Variants in PRKAG2 observed in about 807,000 individuals in gnomAD.
PRKAG2 encodes 5'-AMP-activated protein kinase subunit gamma-2.
PRKAG2 carries 26 observed loss-of-function variants against 69.6 expected under a neutral mutation model. The ratio of observed to expected loss-of-function variants is 0.37; its 90% CI spans 0.27 to 0.52. PRKAG2 has a LOEUF of 0.52. Among genes scored for constraint, PRKAG2 ranks in the 20% least tolerant of loss-of-function variants. The pLI is 0.90. For synonymous variants in PRKAG2, 293 were observed against 285.0 expected (o/e 1.03, Z -0.28); for missense variants, 557 against 740.0 (o/e 0.75, Z 2.87).
At chr7:151,845,484 T>G (rs2079409156) in intron 1 of PRKAG2, among the ~76,000 whole-genome samples, 1 of 151,872 alleles carries the variant, frequency 6.6e-6, no homozygotes, top group South Asian at 2.1e-4. Context: ...AGCCTCCAGG[T>G]GACCCCAGAG....
intron 1 of PRKAG2, among the ~76,000 whole-genome samples, chr7:151,824,028 A>G (rs2078853969): frequency 6.6e-6 from 1 of 152,188 alleles, no homozygotes; most frequent in Admixed American, 6.5e-5. Context: ...TATTCTTGGT[A>G]TAACTTATGG....
intron 5 of PRKAG2, among the ~76,000 whole-genome samples, chr7:151,612,941 G>A (rs1819215728): frequency 6.6e-6 from 1 of 152,200 alleles, no homozygotes; most frequent in African/African-American, 2.4e-5. Flanking sequence ...CTCCCAGGAT[G>A]AGGGAGCTAC....
In PRKAG2 at chr7:151,741,674, C is replaced by CA. The variant is rs33969514; in HGVS notation, c.466+39477dup. 1.4e-3 allele frequency among the ~76,000 whole-genome samples: 183 copies of CA among 126,640 alleles called. 1 individual carries two copies. The highest frequency in any genetic ancestry group is 6.5e-3 in the East Asian group (29 of 4,454). The allele number at this position is 126,640 out of a possible 152,430, so 83.1% of individuals were successfully genotyped here. On this transcript the variant is annotated intron_variant, in intron 3 of 15. Transcript: ENST00000287878. ...GGGCAACAAAAGCAAAACTCTGTCTCAAAAAAAAAAAAAAAAAGAACATTT... is the reference window on the plus strand; with the variant it reads ...GGGCAACAAAAGCAAAACTCTGTCTCAAAAAAAAAAAAAAAAAAGAACATTT...
chr7:151,874,076 T>TATGTATATGTATATG (rs1254909490), intron 1 of PRKAG2, among the ~76,000 whole-genome samples: 5 of 142,604 alleles, frequency 3.5e-5, no homozygotes, highest in South Asian at 2.2e-4. Flanking sequence ...ATATGATGTA[T>TATGTATATGTATATG]ATGTATATGT....
intron 3 of PRKAG2, among the ~76,000 whole-genome samples, chr7:151,690,009 T>C (rs1268053956): frequency 6.6e-6 from 1 of 152,062 alleles, no homozygotes; most frequent in Non-Finnish European, 1.5e-5. Flanking sequence ...AAGCTGCAGA[T>C]GAAAGGGAAA....
chr7:151,606,595 G>A (rs2151194627), intron 5 of PRKAG2, among the ~76,000 whole-genome samples: 1 of 152,308 alleles, frequency 6.6e-6, no homozygotes, highest in South Asian at 2.1e-4. Context: ...TGAGCTGGGT[G>A]GATCACCTGA....
intron 3 of PRKAG2, among the ~76,000 whole-genome samples, chr7:151,742,077 A>C (rs1288377467): frequency 6.6e-6 from 1 of 152,184 alleles, no homozygotes; most frequent in Non-Finnish European, 1.5e-5. Flanking sequence ...AAGTAGTTTG[A>C]CCTGGATGGC....
chr7:151,751,951 A>G (rs1264336915), intron 3 of PRKAG2, among the ~76,000 whole-genome samples: 1 of 152,210 alleles, frequency 6.6e-6, no homozygotes, highest in Non-Finnish European at 1.5e-5. Flanking sequence ...CTTTAGAGCA[A>G]TGGCTAATTC....
intron 4 of PRKAG2, among the ~76,000 whole-genome samples, chr7:151,645,057 C>T (rs1827335487): frequency 6.6e-6 from 1 of 152,088 alleles, no homozygotes; most frequent in Non-Finnish European, 1.5e-5. Flanking sequence ...GGCAAGCAGA[C>T]TCTGAGATGG....
chr7:151,608,010 A>G (rs894334569), intron 5 of PRKAG2, among the ~76,000 whole-genome samples: 3 of 152,152 alleles, frequency 2.0e-5, no homozygotes, highest in Non-Finnish European at 2.9e-5. Context: ...ATCCAATGAC[A>G]AGTGTCCTTA....
intron 1 of PRKAG2, among the ~76,000 whole-genome samples, chr7:151,865,403 G>GAAT (rs2080038600): frequency 2.0e-5 from 3 of 152,272 alleles, no homozygotes; most frequent in African/African-American, 7.2e-5. Flanking sequence ...CAGTGAGAAA[G>GAAT]AATAAATTCT....
At chr7:151,767,361 G>T (rs2075788956) in intron 3 of PRKAG2, among the ~76,000 whole-genome samples, 3 of 152,232 alleles carry the variant, frequency 2.0e-5, no homozygotes, top group African/African-American at 7.2e-5. Context: ...CCTGATCTCA[G>T]CTTGCTGCAA....
chr7:151,844,592 C>A (rs1198086210), intron 1 of PRKAG2, among the ~76,000 whole-genome samples: 1 of 152,214 alleles, frequency 6.6e-6, no homozygotes, highest in Non-Finnish European at 1.5e-5. Context: ...GTAGAACAGA[C>A]AATAACTCAG....
chr7:151,705,421 C>T (rs1007887357), intron 3 of PRKAG2, among the ~76,000 whole-genome samples: 2 of 152,110 alleles, frequency 1.3e-5, no homozygotes, highest in African/African-American at 2.4e-5. Context: ...GGCAAGCACT[C>T]GGTCCCAAGC....
chr7:151,727,791 G>A lies in PRKAG2; in HGVS notation c.467-52154C>T, dbSNP rs1219437556. On this transcript the variant is annotated intron_variant, in intron 3 of 15. Coordinates refer to ENST00000287878, the MANE Select transcript of PRKAG2 (RefSeq NM_016203.4). Reference sequence around the variant, plus strand: ...GGAGGCGCAGGGCAGCCGGGTCAGCGTTCAGGTGCTGTTCATTGATGAACT... The same window carrying A: ...GGAGGCGCAGGGCAGCCGGGTCAGCATTCAGGTGCTGTTCATTGATGAACT... Among the ~76,000 whole-genome samples, 5 of 152,178 alleles carry A rather than the reference G, an allele frequency of 3.3e-5. 1 individual carries two copies. Among genetic ancestry groups the A allele is most frequent in the South Asian group, 4.2e-4 (2 of 4,812 alleles).
At chr7:151,698,888 A>G (rs1367442629) in intron 3 of PRKAG2, among the ~76,000 whole-genome samples, 1 of 152,208 alleles carries the variant, frequency 6.6e-6, no homozygotes, top group Non-Finnish European at 1.5e-5. Context: ...ACCTATCCAG[A>G]TGCAAGGACT....
chr7:151,570,284 C>T lies in PRKAG2; in HGVS notation c.1052-59G>A. ...ACACATTTGCTGTTTGCAGTTATAA[C>T]ACAAATTCAAATACCCTTCAGTTTA... is the stretch of plus-strand genomic sequence containing the variant. On this transcript the variant is annotated intron_variant, in intron 9 of 15. Transcript: ENST00000287878. 2.6e-6 allele frequency: 4 copies of T among 1,546,196 alleles called. No individual in the cohort carries two copies. The South Asian group carries it at 3.4e-5, about 13-fold the overall frequency.
At position 151,740,431 on chromosome 7, in the gene PRKAG2, T is replaced by TA. The variant is rs528397237; in HGVS notation, c.466+40720dup. 3.4e-5 allele frequency among the ~76,000 whole-genome samples: 5 copies of TA among 145,242 alleles called. No homozygotes were observed. The South Asian group carries it at 1.1e-3, about 32-fold the overall frequency. ...CAGCCCTGCTGATACGAACCCGAGT[T>TA]ACTGCACCAGTCCTAGGGGGTTCCT... is the stretch of plus-strand genomic sequence containing the variant. On this transcript the variant is annotated intron_variant, in intron 3 of 15. Transcript: ENST00000287878.
At chr7:151,760,042 C>A (rs1051405843) in intron 3 of PRKAG2, among the ~76,000 whole-genome samples, 36 of 152,116 alleles carry the variant, frequency 2.4e-4, no homozygotes, top group African/African-American at 8.0e-4. Flanking sequence ...CTGTTCATTG[C>A]AGATTATGTG....
Sources: allele counts gnomAD v4.1 joint callset (sites outside exome capture counted in the v4.1 genomes callset), GRCh38; gene constraint gnomAD v4.1.1; transcripts MANE v1.5; gene names NCBI Gene and HGNC (gene_info 2026-07-23, HGNC 2026-07-21).